KIAA1217: variants seen among roughly 807,000 people sequenced by gnomAD.
KIAA1217 encodes sickle tail protein homolog.
A neutral mutation model predicts 163.9 loss-of-function variants in KIAA1217; 88 were observed. That is an observed-to-expected ratio of 0.54 (90% confidence interval 0.45 to 0.64). The LOEUF is 0.64. Among genes scored for constraint, KIAA1217 ranks in the 30% least tolerant of loss-of-function variants. KIAA1217 has a pLI of 0.00. For synonymous variants in KIAA1217, 903 were observed against 923.1 expected (o/e 0.98, Z 0.39); for missense variants, 2,372 against 2,475.0 (o/e 0.96, Z 0.88).
chr10:23,981,658 T>A (rs780718046), intron 1 of KIAA1217, among the ~76,000 whole-genome samples: 27 of 152,152 alleles, frequency 1.8e-4, no homozygotes, highest in Admixed American at 1.3e-4. Context: ...GGCTCTATTT[T>A]CCCCCTGGAA....
At chr10:24,405,277 T>C (rs577192768) in intron 3 of KIAA1217, among the ~76,000 whole-genome samples, 2 of 152,256 alleles carry the variant, frequency 1.3e-5, no homozygotes, top group East Asian at 3.9e-4. Context: ...GTACATTTCT[T>C]TGCAACTTTC....
intron 2 of KIAA1217, among the ~76,000 whole-genome samples, chr10:24,078,680 A>C (rs1456485135): frequency 6.6e-6 from 1 of 152,178 alleles, no homozygotes; most frequent in Admixed American, 6.5e-5. Flanking sequence ...TCCATGAGAC[A>C]GTGATCTGGT....
At chr10:23,856,682 TG>T (rs1839687727) in intron 1 of KIAA1217, among the ~76,000 whole-genome samples, 2 of 152,278 alleles carry the variant, frequency 1.3e-5, no homozygotes. Context: ...GCTTCCCCAC[TG>T]CTTTGTTTAC....
intron 2 of KIAA1217, among the ~76,000 whole-genome samples, chr10:24,179,114 T>C (rs1291409033): frequency 6.6e-6 from 1 of 152,170 alleles, no homozygotes; most frequent in Non-Finnish European, 1.5e-5. Context: ...AGAAAAGAAG[T>C]AAAAACCTTC....
chr10:23,879,510 C>G (rs1201371780), intron 1 of KIAA1217, among the ~76,000 whole-genome samples: 1 of 151,824 alleles, frequency 6.6e-6, no homozygotes, highest in Admixed American at 6.6e-5. Context: ...AATGCAGACA[C>G]GTCAAACCAA....
At chr10:24,084,910 C>CTTTTT (rs1197313508) in intron 2 of KIAA1217, among the ~76,000 whole-genome samples, 2 of 123,776 alleles carry the variant, frequency 1.6e-5, no homozygotes, top group African/African-American at 3.4e-5. Context: ...GCAGAGTTTA[C>CTTTTT]TTTTTTTTTT....
chr10:24,016,861 C>T (rs146156207), intron 2 of KIAA1217, among the ~76,000 whole-genome samples: 1 of 151,656 alleles, frequency 6.6e-6, no homozygotes, highest in Admixed American at 6.6e-5. Flanking sequence ...TTAAAAAAAA[C>T]GTGCAGTGAG....
At chr10:24,433,271 GT>G (rs35141737) in intron 4 of KIAA1217, 78 bp downstream of exon 4, 77 of 1,022,222 alleles carry the variant, frequency 7.5e-5, no homozygotes, top group Non-Finnish European at 1.0e-4. Flanking sequence ...TTTTTGAGGG[GT>G]TTTTTTTTAC....
chr10:24,109,018 G>A (rs2062738486), intron 2 of KIAA1217, among the ~76,000 whole-genome samples: 1 of 151,290 alleles, frequency 6.6e-6, no homozygotes, highest in Non-Finnish European at 1.5e-5. Flanking sequence ...TTTTAGTAGA[G>A]ACGGGGTTTC....
At chr10:23,855,183 T>G (rs997117675) in intron 1 of KIAA1217, among the ~76,000 whole-genome samples, 18 of 152,332 alleles carry the variant, frequency 1.2e-4, no homozygotes, top group African/African-American at 4.3e-4. Flanking sequence ...TAGTGTTTCC[T>G]TCAGGAGCTC....
intron 2 of KIAA1217, among the ~76,000 whole-genome samples, chr10:24,149,723 A>ATATT (rs1285643483): frequency 3.9e-5 from 6 of 152,336 alleles, no homozygotes; most frequent in Middle Eastern, 3.4e-3. Flanking sequence ...CAAATAATTT[A>ATATT]TATTTCAAAA....
Position 23,762,493 on chromosome 10 carries a change from C to G in KIAA1217, c.-321+67259C>G, listed in dbSNP as rs376705404. On this transcript the variant is annotated intron_variant, in intron 1 of 18. Transcript: ENST00000376462. The stretch of plus-strand genomic sequence containing the variant: ...AAATCAATAAATGTAATCCATCACA[C>G]AAACAGAACCAAAGACAAAAACCAC... Among the ~76,000 whole-genome samples, 6 of 152,172 alleles carry G rather than the reference C, an allele frequency of 3.9e-5. No homozygotes were observed. The East Asian group carries it at 1.2e-3, about 29-fold the overall frequency.
chr10:24,491,083 T>G (rs2066054607), intron 6 of KIAA1217, among the ~76,000 whole-genome samples: 1 of 152,142 alleles, frequency 6.6e-6, no homozygotes, highest in Non-Finnish European at 1.5e-5. Flanking sequence ...TATTACCTGG[T>G]GGGAGCTCAG....
intron 2 of KIAA1217, among the ~76,000 whole-genome samples, chr10:24,196,075 A>G (rs1332475062): frequency 6.6e-6 from 1 of 152,088 alleles, no homozygotes; most frequent in Non-Finnish European, 1.5e-5. Context: ...TCAAGGCTGC[A>G]GCAAGGTATG....
At chr10:24,330,622 T>C (rs1240395518) in intron 2 of KIAA1217, among the ~76,000 whole-genome samples, 1 of 152,044 alleles carries the variant, frequency 6.6e-6, no homozygotes, top group African/African-American at 2.4e-5. Context: ...AGTAGGGGCA[T>C]TTTTTATTTT....
intron 2 of KIAA1217, among the ~76,000 whole-genome samples, chr10:24,030,111 T>C (rs1021920773): frequency 2.0e-5 from 3 of 152,162 alleles, no homozygotes; most frequent in African/African-American, 7.2e-5. Flanking sequence ...TACATGAAAA[T>C]ATGAATTCAA....
At chr10:24,328,982 T>G (rs2045309769) in intron 2 of KIAA1217, among the ~76,000 whole-genome samples, 1 of 151,106 alleles carries the variant, frequency 6.6e-6, no homozygotes, top group African/African-American at 2.4e-5. Context: ...TATTGCATAG[T>G]ATAAACATAT....
At position 24,432,867 on chromosome 10, in the gene KIAA1217, C is replaced by G. The variant is rs184283503; in HGVS notation, c.554-128C>G. On this transcript the variant is annotated intron_variant, in intron 3 of 20. Transcript: ENST00000376454. ...TTCCTTGGAAATTCCAAACCTAGATCTCTTGTTACATGCTTGCCAAGCTTG... is the reference window on the plus strand; with the variant it reads ...TTCCTTGGAAATTCCAAACCTAGATGTCTTGTTACATGCTTGCCAAGCTTG... 3.8e-5 allele frequency: 25 copies of G among 664,274 alleles called. No individual in the cohort carries two copies. In the African/African-American group the frequency reaches 4.2e-4, roughly 11 times the overall value. The allele number at this position is 664,274 out of a possible 1,614,324, so 41.1% of individuals were successfully genotyped here.
chr10:24,282,527 A>C (rs192524166), intron 2 of KIAA1217, among the ~76,000 whole-genome samples: 28 of 152,148 alleles, frequency 1.8e-4, no homozygotes, highest in African/African-American at 6.5e-4. Flanking sequence ...ACTCATGGAT[A>C]TTTATTTTCA....
Sources: allele counts gnomAD v4.1 joint callset (sites outside exome capture counted in the v4.1 genomes callset), GRCh38; gene constraint gnomAD v4.1.1; transcripts MANE v1.5; gene names NCBI Gene and HGNC (gene_info 2026-07-23, HGNC 2026-07-21).